PDIA5: variants seen among roughly 807,000 people sequenced by gnomAD.
PDIA5 encodes the protein protein disulfide-isomerase A5.
A neutral mutation model predicts 77.6 loss-of-function variants in PDIA5; 58 were observed. The ratio of observed to expected loss-of-function variants is 0.75; its 90% confidence interval spans 0.61 to 0.93. The LOEUF (loss-of-function observed/expected upper bound fraction) is 0.93, where lower values mean the gene tolerates loss of function less well. PDIA5 is among the 40% of genes least tolerant of loss of function. PDIA5 has a pLI of 0.00. For missense variants in PDIA5, 630 were observed against 647.7 expected (o/e 0.97, Z 0.30); for synonymous variants, 250 against 252.1 (o/e 0.99, Z 0.08).
chr3:123,075,441 A>G (rs1933829168), intron 1 of PDIA5, among the ~76,000 whole-genome samples: 1 of 152,174 alleles, frequency 6.6e-6, no homozygotes, highest in Non-Finnish European at 1.5e-5. Flanking sequence ...TGATTGCTAG[A>G]GAGGTAGGAG....
chr3:123,161,900 T>C lies in PDIA5; in HGVS notation c.1500T>C (p.Tyr500=). 1 of 1,599,594 alleles carries C rather than the reference T, an allele frequency of 6.3e-7. No individual in the cohort carries two copies. Among genetic ancestry groups the C allele is most frequent in the South Asian group, 1.1e-5 (1 of 90,598 alleles). ...TGCAGGAATTGGGATTTACCAATTATATTCGAGCCCTCCGGGAGGGAGACC... is the reference window on the plus strand; with the variant it reads ...TGCAGGAATTGGGATTTACCAATTACATTCGAGCCCTCCGGGAGGGAGACC... The part of the protein sequence containing the change: ...SDRTELGFTN[Y]IRALREGDHE... Residue 500 remains tyrosine (Y), a synonymous_variant, in exon 17 of 17, where the codon TAT becomes TAC. Transcript: ENST00000316218.
intron 11 of PDIA5, among the ~76,000 whole-genome samples, chr3:123,133,647 G>A (rs1011143560): frequency 2.0e-5 from 3 of 152,170 alleles, no homozygotes; most frequent in Non-Finnish European, 4.4e-5. Context: ...TGTCTAGAGG[G>A]TATGTACTTG....
chr3:123,136,143 C>T (rs796228876), intron 11 of PDIA5, among the ~76,000 whole-genome samples: 77 of 152,180 alleles, frequency 5.1e-4, no homozygotes, highest in African/African-American at 1.8e-3. Context: ...CTATGTTGCT[C>T]AGGCTGGTCT....
At chr3:123,157,811 G>T (rs1936052942) in intron 15 of PDIA5, among the ~76,000 whole-genome samples, 1 of 152,272 alleles carries the variant, frequency 6.6e-6, no homozygotes, top group African/African-American at 2.4e-5. Flanking sequence ...CAAAGTGTTA[G>T]TGTTGGAACA....
rs772836826 is a variant in PDIA5 at position 123,124,129 on chromosome 3, C to T, written c.673C>T (p.Arg225Cys). The change falls in exon 9 of 17, where the codon CGC becomes TGC. Residue 225 changes from arginine to cysteine, a missense_variant. Transcript: ENST00000316218. ...FENIKEEYSV[R>C]GFPTICYFEK... ...AAACATCAAGGAGGAGTACAGCGTG[C>T]GCGGCTTCCCCACCATCTGCTATTT... The T allele has an allele frequency of 5.6e-6, 9 of 1,613,672 alleles. No individual in the cohort carries two copies. The highest frequency in any genetic ancestry group is 2.2e-5 in the East Asian group (1 of 44,900).
At chr3:123,136,192 C>G (rs1935499202) in intron 11 of PDIA5, among the ~76,000 whole-genome samples, 3 of 152,318 alleles carry the variant, frequency 2.0e-5, no homozygotes. Context: ...GCCTCGGCCT[C>G]CCAAGCAGCT....
At chr3:123,137,530 A>G (rs1420652945) in intron 11 of PDIA5, among the ~76,000 whole-genome samples, 5 of 152,148 alleles carry the variant, frequency 3.3e-5, no homozygotes, top group Non-Finnish European at 5.9e-5. Flanking sequence ...AGTAATAGCT[A>G]TTATATTTAT....
chr3:123,152,040 C>CCTTCCTGCCTGCCTTT (rs1162420756), intron 14 of PDIA5, among the ~76,000 whole-genome samples: 6 of 141,468 alleles, frequency 4.2e-5, no homozygotes, highest in African/African-American at 1.6e-4. Flanking sequence ...TGCCTGCCTT[C>CCTTCCTGCCTGCCTTT]CTTCCTGCCT....
chr3:123,161,288 C>A (rs771859852), intron 15 of PDIA5, 33 bp from the exon 16 acceptor site: 3 of 1,607,806 alleles, frequency 1.9e-6, no homozygotes, highest in Admixed American at 3.4e-5. Flanking sequence ...CCTGGGGACA[C>A]CCTGTGCCAA....
intron 10 of PDIA5, among the ~76,000 whole-genome samples, chr3:123,127,241 A>C (rs1024563600): frequency 1.3e-5 from 2 of 152,214 alleles, no homozygotes; most frequent in African/African-American, 4.8e-5. Flanking sequence ...TCCAAACTGC[A>C]GAGCTCATGA....
At chr3:123,082,616 CA>C (rs1481409265) in intron 1 of PDIA5, among the ~76,000 whole-genome samples, 1 of 152,120 alleles carries the variant, frequency 6.6e-6, no homozygotes, top group East Asian at 1.9e-4. Flanking sequence ...TGCCTGATTG[CA>C]GGCAGGGCCC....
Position 123,081,967 on chromosome 3 carries a change from T to C in PDIA5, c.43-7201T>C, listed in dbSNP as rs141244893. ...TGAGCTGAGTGAAGAGAGGAGTTTGTGTGTGCTATGTTAGCAGATTGGGAG... is the reference window on the plus strand; with the variant it reads ...TGAGCTGAGTGAAGAGAGGAGTTTGCGTGTGCTATGTTAGCAGATTGGGAG... On this transcript the variant is annotated intron_variant, in intron 1 of 16. Transcript: ENST00000316218. Among the ~76,000 whole-genome samples the C allele has an allele frequency of 1.5e-4, 23 of 152,310 alleles. 1 individual carries two copies. In the East Asian group the frequency reaches 3.3e-3, roughly 22 times the overall value.
At chr3:123,117,587 T>A (rs2107949648) in intron 8 of PDIA5, among the ~76,000 whole-genome samples, 2 of 151,822 alleles carry the variant, frequency 1.3e-5, no homozygotes, top group East Asian at 3.9e-4. Context: ...TATTTGTCCT[T>A]CTGTGACTGG....
At chr3:123,154,906 C>A in intron 14 of PDIA5, 65 bp from the exon 15 acceptor site, 1 of 1,073,588 alleles carries the variant, frequency 9.3e-7, no homozygotes, top group Non-Finnish European at 1.4e-6. Flanking sequence ...AGGAAGGGTC[C>A]CTGGCCCTGC....
chr3:123,089,663 C>G (rs1934235150), intron 2 of PDIA5, among the ~76,000 whole-genome samples: 1 of 152,264 alleles, frequency 6.6e-6, no homozygotes, highest in African/African-American at 2.4e-5. Context: ...CCAGGGCATG[C>G]TTCACCAGAG....
At chr3:123,132,913 G>A (rs1055983689) in intron 11 of PDIA5, among the ~76,000 whole-genome samples, 1 of 152,172 alleles carries the variant, frequency 6.6e-6, no homozygotes, top group African/African-American at 2.4e-5. Context: ...TGCGCATGTG[G>A]GTTTATTTCT....
intron 11 of PDIA5, among the ~76,000 whole-genome samples, chr3:123,131,243 C>T (rs1935363524): frequency 6.6e-6 from 1 of 152,076 alleles, no homozygotes; most frequent in South Asian, 2.1e-4. Context: ...GCACTCCAGC[C>T]TGAGTAACCA....
intron 9 of PDIA5, 39 bp from the exon 10 acceptor site, chr3:123,124,233 T>A (rs1216024328): frequency 9.5e-6 from 15 of 1,587,180 alleles, no homozygotes; most frequent in African/African-American, 1.3e-5. Context: ...GGCATTTGCA[T>A]CCGTGACTGA....
intron 1 of PDIA5, among the ~76,000 whole-genome samples, chr3:123,074,565 G>A (rs1306407829): frequency 6.6e-6 from 1 of 152,090 alleles, no homozygotes; most frequent in Non-Finnish European, 1.5e-5. Context: ...AAGATCAAAG[G>A]TACAAGCTTG....
Sources: gnomAD v4.1 joint callset for allele counts (sites outside exome capture counted in the v4.1 genomes callset) on GRCh38, gnomAD v4.1.1 for gene constraint, MANE v1.5 for transcripts, NCBI Gene and HGNC (gene_info 2026-07-23, HGNC 2026-07-21) for gene names.